The following AGBL1 variants were observed in gnomAD, a reference collection of about 807,000 sequenced individuals.
The protein encoded by AGBL1 is cytosolic carboxypeptidase 4.
A neutral mutation model predicts 118.9 loss-of-function variants in AGBL1; 130 were observed. The observed-to-expected ratio is 1.09, with a 90% CI of 0.95 to 1.26. The LOEUF is 1.26. Among genes scored for constraint, AGBL1 ranks in the 50% most tolerant of loss-of-function variants. The pLI, the probability that AGBL1 is intolerant of heterozygous loss-of-function variation, is 0.00. For synonymous variants in AGBL1, 555 were observed against 478.9 expected (o/e 1.16, Z -2.08); for missense variants, 1,584 against 1,298.1 (o/e 1.22, Z -3.38).
chr15:86,887,914 T>G (rs1318413665), intron 22 of AGBL1, among the ~76,000 whole-genome samples: 1 of 152,124 alleles, frequency 6.6e-6, no homozygotes, highest in Non-Finnish European at 1.5e-5. Context: ...TAATGATGTG[T>G]ATAAGCCCCA....
At chr15:86,205,249 T>C (rs925948107) in intron 5 of AGBL1, among the ~76,000 whole-genome samples, 6 of 152,230 alleles carry the variant, frequency 3.9e-5, no homozygotes, top group Non-Finnish European at 8.8e-5. Flanking sequence ...CAATATGCAC[T>C]TAAGGGTTCT....
chr15:86,269,062 T>A (rs988959405), intron 13 of AGBL1, among the ~76,000 whole-genome samples: 6 of 152,094 alleles, frequency 3.9e-5, no homozygotes, highest in African/African-American at 1.4e-4. Context: ...AGATATATAG[T>A]GATGGGGAGA....
intron 24 of AGBL1, among the ~76,000 whole-genome samples, chr15:87,004,141 G>T (rs868753182): frequency 2.6e-5 from 4 of 152,138 alleles, no homozygotes; most frequent in South Asian, 2.1e-4. Context: ...CTTTAAATAT[G>T]TCCCAGAGAT....
At chr15:86,612,817 GA>G (rs1252950713) in intron 21 of AGBL1, among the ~76,000 whole-genome samples, 2 of 152,140 alleles carry the variant, frequency 1.3e-5, no homozygotes, top group Non-Finnish European at 1.5e-5. Context: ...CGGCTGGCCT[GA>G]AGGCTTTATC....
At chr15:86,573,902 A>G (rs1322256108) in intron 21 of AGBL1, among the ~76,000 whole-genome samples, 1 of 152,226 alleles carries the variant, frequency 6.6e-6, no homozygotes, top group Non-Finnish European at 1.5e-5. Flanking sequence ...ATCTACCCCC[A>G]AGTATTCCTG....
intron 6 of AGBL1, among the ~76,000 whole-genome samples, chr15:86,225,228 G>A (rs763419030): frequency 2.8e-4 from 43 of 151,612 alleles, no homozygotes; most frequent in Non-Finnish European, 5.3e-4. Flanking sequence ...CCCTAAAGGG[G>A]GTATATTGAC....
intron 21 of AGBL1, among the ~76,000 whole-genome samples, chr15:86,660,103 T>A (rs930578021): frequency 6.6e-6 from 1 of 151,594 alleles, no homozygotes; most frequent in Non-Finnish European, 1.5e-5. Flanking sequence ...AGCAGAACCA[T>A]AGATGTTTAG....
chr15:86,941,238 C>T (rs527563098), intron 23 of AGBL1, among the ~76,000 whole-genome samples: 19 of 152,302 alleles, frequency 1.2e-4, no homozygotes, highest in African/African-American at 3.8e-4. Flanking sequence ...CTCTTTTCCT[C>T]CACATTTGAA....
At chr15:86,161,340 G>T (rs2077264465) in intron 5 of AGBL1, among the ~76,000 whole-genome samples, 1 of 152,206 alleles carries the variant, frequency 6.6e-6, no homozygotes, top group African/African-American at 2.4e-5. Context: ...CTCTTAGCAT[G>T]CATTACTTCC....
Position 86,357,996 on chromosome 15 carries a change from A to G in AGBL1, c.2375-39370A>G, listed in dbSNP as rs759255920. On this transcript the variant is annotated intron_variant, in intron 17 of 22. Coordinates refer to ENST00000614907, the MANE Select transcript of AGBL1 (RefSeq NM_001386094.1). ...TTTCCACAATTAAGCTAATTAATAT[A>G]TCTATCACCTCACATACTTATAATT... is the stretch of plus-strand genomic sequence containing the variant. Among the ~76,000 whole-genome samples, 25 of 152,120 alleles carry G rather than the reference A, an allele frequency of 1.6e-4. 1 individual carries two copies. The highest frequency in any genetic ancestry group is 2.8e-4 in the Non-Finnish European group (19 of 67,978).
At chr15:86,735,317 G>A (rs1320863456) in intron 22 of AGBL1, among the ~76,000 whole-genome samples, 1 of 151,984 alleles carries the variant, frequency 6.6e-6, no homozygotes, top group African/African-American at 2.4e-5. Flanking sequence ...CTGACCTCAG[G>A]TGATCCACCC....
At chr15:86,917,791 A>AG (rs1567239624), downstream of AGBL1, among the ~76,000 whole-genome samples, 8 of 67,796 alleles carry the variant, frequency 1.2e-4, no homozygotes, top group Non-Finnish European at 2.1e-4. This position sits in a 1 kb window ranked among gnomAD's most constrained non-coding sequence, Gnocchi z 4.8. Context: ...AGAGAGAGAG[A>AG]AGAGAGAGGA....
At chr15:86,973,892 CAT>C (rs58678588) in intron 23 of AGBL1, among the ~76,000 whole-genome samples, 63 of 133,012 alleles carry the variant, frequency 4.7e-4, no homozygotes, top group African/African-American at 1.9e-4. Flanking sequence ...TGAATATATA[CAT>C]ATATATATTA....
chr15:86,103,029 GT>G (rs1019799759), intron 1 of AGBL1, among the ~76,000 whole-genome samples: 4 of 151,626 alleles, frequency 2.6e-5, no homozygotes, highest in African/African-American at 7.3e-5. Context: ...TTATCTTTGG[GT>G]TTTTTTCCAA....
At chr15:86,863,323 A>G (rs1229498858) in intron 22 of AGBL1, among the ~76,000 whole-genome samples, 1 of 152,188 alleles carries the variant, frequency 6.6e-6, no homozygotes, top group African/African-American at 2.4e-5. Flanking sequence ...TTCCTCATCA[A>G]AGAGAAAGGC....
intron 18 of AGBL1, among the ~76,000 whole-genome samples, chr15:86,442,389 T>G (rs1177502765): frequency 1.3e-5 from 2 of 152,216 alleles, no homozygotes; most frequent in Non-Finnish European, 2.9e-5. Context: ...GCCATTTTCT[T>G]TTCTGGCCTA....
intron 18 of AGBL1, among the ~76,000 whole-genome samples, chr15:86,449,984 T>A (rs2082173103): frequency 6.6e-6 from 1 of 152,148 alleles, no homozygotes; most frequent in East Asian, 1.9e-4. Flanking sequence ...ATTTCAAGCT[T>A]CCCTTCTGTG....
At chr15:86,560,769 G>A (rs2083806764) in intron 21 of AGBL1, among the ~76,000 whole-genome samples, 1 of 152,152 alleles carries the variant, frequency 6.6e-6, no homozygotes. Flanking sequence ...GTGTAAAACA[G>A]TTCCTATTTC....
intron 21 of AGBL1, among the ~76,000 whole-genome samples, chr15:86,562,763 C>T (rs1037558654): frequency 2.6e-5 from 4 of 152,090 alleles, no homozygotes; most frequent in African/African-American, 4.8e-5. Flanking sequence ...GCTGTGAATC[C>T]GTCTGGTCCT....
Sources: allele counts gnomAD v4.1 joint callset (sites outside exome capture counted in the v4.1 genomes callset), GRCh38; gene constraint gnomAD v4.1.1; non-coding constraint Gnocchi (gnomAD v3.1); transcripts MANE v1.5; gene names NCBI Gene and HGNC (gene_info 2026-07-23, HGNC 2026-07-21).